The following TEAD1 variants were observed in gnomAD, a reference collection of about 807,000 sequenced individuals.
TEAD1 encodes the protein TEA domain transcription factor 1.
TEAD1 carries 9 observed loss-of-function variants against 54.9 expected under a neutral mutation model. The ratio of observed to expected loss-of-function variants is 0.16; its 90% CI spans 0.10 to 0.29. TEAD1 has a LOEUF of 0.29. TEAD1 is among the 10% of genes least tolerant of loss of function. The pLI is 1.00. For synonymous variants in TEAD1, 200 were observed against 187.8 expected (o/e 1.07, Z -0.53); for missense variants, 387 against 535.9 (o/e 0.72, Z 2.74).
intron 3 of TEAD1, among the ~76,000 whole-genome samples, chr11:12,817,386 A>G (rs1204851743): frequency 2.0e-5 from 3 of 152,198 alleles, no homozygotes; most frequent in Non-Finnish European, 4.4e-5. Flanking sequence ...ATGGAGAGAG[A>G]CTGGCATGTA....
At chr11:12,777,315 T>G (rs114724165) in intron 3 of TEAD1, among the ~76,000 whole-genome samples, 1,605 of 152,310 alleles carry the variant, frequency 0.011, 31 homozygotes, top group African/African-American at 0.037. Flanking sequence ...CATATGTTAA[T>G]AAGCTGAGTT....
chr11:12,920,034 AT>A (rs1230665694), intron 10 of TEAD1, among the ~76,000 whole-genome samples: 1 of 152,206 alleles, frequency 6.6e-6, no homozygotes, highest in Non-Finnish European at 1.5e-5. Context: ...GATTATGAAG[AT>A]GAGGAAACAG....
At chr11:12,928,358 GCAGCCT>G (rs907357002) in intron 11 of TEAD1, among the ~76,000 whole-genome samples, 1 of 146,018 alleles carries the variant, frequency 6.8e-6, no homozygotes, top group Admixed American at 7.1e-5. Flanking sequence ...TTGGCTCACT[GCAGCCT>G]CAGCCTCACT....
chr11:12,674,950 C>A (rs1459647247), intron 1 of TEAD1, 116 bp downstream of exon 1: 1 of 147,578 alleles, frequency 6.8e-6, no homozygotes, highest in African/African-American at 2.5e-5. Flanking sequence ...TTGTGTGCGA[C>A]GGCGGGCGGG....
intron 3 of TEAD1, among the ~76,000 whole-genome samples, chr11:12,836,183 G>A (rs1365472234): frequency 1.3e-5 from 2 of 152,142 alleles, no homozygotes; most frequent in Admixed American, 6.5e-5. Flanking sequence ...CGCTTCAGGA[G>A]GCCGAGGTGG....
intron 2 of TEAD1, among the ~76,000 whole-genome samples, chr11:12,682,109 A>G (rs1734364345): frequency 6.6e-6 from 1 of 152,162 alleles, no homozygotes; most frequent in Admixed American, 6.5e-5. Context: ...TGATCTAGAT[A>G]TTCTAATTTT....
chr11:12,798,775 C>T (rs761952421), intron 3 of TEAD1, among the ~76,000 whole-genome samples: 6 of 152,190 alleles, frequency 3.9e-5, no homozygotes, highest in Admixed American at 1.3e-4. Flanking sequence ...CTGAATGCTG[C>T]GTTTCCATAA....
chr11:12,881,961 A>G lies in TEAD1; in HGVS notation c.574+4A>G. On this transcript the variant is annotated splice_donor_region_variant and intron_variant, in intron 8 of 12. Transcript: ENST00000527636. ...GCGGTCACAGCCCCCATTCCAGGTG[A>G]GTGTCCCTGAAACTCCTTTTTGGGA... 2 of 1,614,106 alleles carry G rather than the reference A, an allele frequency of 1.2e-6. No individual in the cohort carries two copies. Among genetic ancestry groups the G allele is most frequent in the Non-Finnish European group, 1.7e-6 (2 of 1,180,010 alleles).
chr11:12,811,383 C>G (rs778426383), intron 3 of TEAD1, among the ~76,000 whole-genome samples: 2 of 152,218 alleles, frequency 1.3e-5, no homozygotes, highest in Non-Finnish European at 2.9e-5. Context: ...GCCATCTAAG[C>G]TGTTGGAACA....
At chr11:12,735,977 G>A (rs971802454) in intron 2 of TEAD1, among the ~76,000 whole-genome samples, 8 of 152,146 alleles carry the variant, frequency 5.3e-5, no homozygotes, top group African/African-American at 1.7e-4. Context: ...CAGTTGGTCC[G>A]ACAGAACTAG....
intron 5 of TEAD1, among the ~76,000 whole-genome samples, chr11:12,870,123 G>T (rs533040568): frequency 1.3e-5 from 2 of 151,982 alleles, no homozygotes; most frequent in South Asian, 2.1e-4. Context: ...CAAGTGATGC[G>T]CCTGCCTCAG....
intron 3 of TEAD1, among the ~76,000 whole-genome samples, chr11:12,849,853 C>T (rs1188032722): frequency 2.0e-5 from 3 of 152,110 alleles, no homozygotes; most frequent in Admixed American, 6.6e-5. Flanking sequence ...GATTTGTGCC[C>T]TCTTAATGTT....
At chr11:12,864,399 C>G (rs1340523217) in intron 4 of TEAD1, among the ~76,000 whole-genome samples, 1 of 152,128 alleles carries the variant, frequency 6.6e-6, no homozygotes, top group African/African-American at 2.4e-5. Context: ...CCCATGATTT[C>G]TCTTGGGTGG....
chr11:12,887,583 A>C (rs1948116566), intron 9 of TEAD1, among the ~76,000 whole-genome samples: 1 of 152,200 alleles, frequency 6.6e-6, no homozygotes, highest in Admixed American at 6.5e-5. Flanking sequence ...GCTTTATTGG[A>C]CAAACACAAC....
rs918166635 is a variant in TEAD1, at chr11:12,885,995, A to G, written c.699+2870A>G. Among the ~76,000 whole-genome samples, 3 of 152,214 alleles carry G rather than the reference A, an allele frequency of 2.0e-5. No homozygotes were observed. In the East Asian group the frequency reaches 5.8e-4, roughly 29 times the overall value. ...GAAACAGATGATTATCTGAGAGATC[A>G]TTGCAAAGTGCTGTGACTTCTAGGA... On this transcript the variant is annotated intron_variant, in intron 9 of 12. Coordinates refer to ENST00000527636, the MANE Select transcript of TEAD1 (RefSeq NM_021961.6).
At position 12,879,817 on chromosome 11, in the gene TEAD1, G is replaced by T. The variant is rs1174214450; in HGVS notation, c.440G>T (p.Arg147Leu). The T allele has an allele frequency of 3.7e-6, 6 of 1,613,876 alleles. No individual in the cohort carries two copies. The highest frequency in any genetic ancestry group is 1.1e-5 in the South Asian group (1 of 91,074). The change falls in exon 6 of 13, where the codon CGC (arginine) becomes CTC (leucine). Residue 147 changes from arginine (R) to leucine (L), a missense_variant. This residue lies in a region of TEAD1 where 180 missense variants were observed against 180.6 expected (regional missense o/e 1.00). Transcript: ENST00000527636. ...AAGCTGGGGCTGCCTGGGATTCCACGCCCGACCTTCCCAGGGGCGCCGGGG... is the reference window on the plus strand; with the variant it reads ...AAGCTGGGGCTGCCTGGGATTCCACTCCCGACCTTCCCAGGGGCGCCGGGG...
chr11:12,733,225 A>T (rs1286461185), intron 2 of TEAD1, among the ~76,000 whole-genome samples: 1 of 152,180 alleles, frequency 6.6e-6, no homozygotes, highest in African/African-American at 2.4e-5. Flanking sequence ...TGGGCTTTGG[A>T]CCCAGCGGCC....
At chr11:12,754,752 T>C (rs1451283992) in intron 2 of TEAD1, among the ~76,000 whole-genome samples, 1 of 152,158 alleles carries the variant, frequency 6.6e-6, no homozygotes, top group Non-Finnish European at 1.5e-5. Context: ...GCAGTTTAGC[T>C]CTTTAAAATG....
chr11:12,775,056 A>G (rs1221735870), intron 3 of TEAD1, among the ~76,000 whole-genome samples: 1 of 152,244 alleles, frequency 6.6e-6, no homozygotes, highest in African/African-American at 2.4e-5. Flanking sequence ...TATTTTAAAA[A>G]AGTAATGCTT....
Sources: allele counts gnomAD v4.1 joint callset (sites outside exome capture counted in the v4.1 genomes callset), GRCh38; gene constraint gnomAD v4.1.1; regional missense constraint gnomAD v4.1.1; transcripts MANE v1.5; gene names NCBI Gene and HGNC (gene_info 2026-07-23, HGNC 2026-07-21).